The following LPXN variants were observed in gnomAD, a reference collection of about 807,000 sequenced individuals.
The protein encoded by LPXN is leupaxin.
In LPXN, 28 loss-of-function variants were observed where a neutral mutation model predicts 45.6. The ratio of observed to expected loss-of-function variants is 0.61; its 90% CI spans 0.45 to 0.84. LPXN has a LOEUF of 0.84. LPXN is among the 40% of genes least tolerant of loss of function. The pLI, the probability that LPXN is intolerant of heterozygous loss-of-function variation, is 0.00. For missense variants in LPXN, 459 were observed against 475.0 expected, an observed-to-expected ratio of 0.97 and a Z score of 0.31; for synonymous variants, 166 against 169.9, an observed-to-expected ratio of 0.98 and a Z score of 0.18.
At position 58,575,823 on chromosome 11, in the gene LPXN, G is replaced by T; in HGVS notation, c.-51C>A. 1 of 1,614,106 alleles carries T rather than the reference G, an allele frequency of 6.2e-7. No homozygotes were observed. The highest frequency in any genetic ancestry group is 1.1e-5 in the South Asian group (1 of 91,070). The stretch of plus-strand genomic sequence containing the variant: ...CTCACAGGCCGTGAGGAACAGCTTT[G>T]GCATGTGCTGAAGAAGAGGACCGCA... On this transcript the variant is annotated 5_prime_UTR_variant, in exon 1 of 9. Transcript: ENST00000395074.
At chr11:58,527,982 C>T in intron 8 of LPXN, 61 bp downstream of exon 8, 1 of 1,557,590 alleles carries the variant, frequency 6.4e-7, no homozygotes, top group Non-Finnish European at 8.7e-7. Flanking sequence ...TGCAGCTCTT[C>T]CTCTCAGAGA....
At chr11:58,577,929 C>CT (rs1854954074), upstream of LPXN, 2 of 1,457,772 alleles carry the variant, frequency 1.4e-6, no homozygotes, top group East Asian at 5.2e-5. Flanking sequence ...AGTAGTGGGC[C>CT]TTGTGCTAGG....
chr11:58,533,404 T>G (rs1395254635), intron 7 of LPXN, among the ~76,000 whole-genome samples: 1 of 152,188 alleles, frequency 6.6e-6, no homozygotes, highest in Admixed American at 6.5e-5. Flanking sequence ...ACCCAGAATT[T>G]CATATCCAGC....
intron 1 of LPXN, among the ~76,000 whole-genome samples, 170 bp downstream of exon 1, chr11:58,575,590 C>T (rs565935559): frequency 2.0e-5 from 3 of 152,216 alleles, no homozygotes; most frequent in Non-Finnish European, 4.4e-5. Flanking sequence ...TTCCCCAAAA[C>T]AATCATAGTT....
At chr11:58,577,983 G>A, upstream of LPXN, 1 of 1,549,132 alleles carries the variant, frequency 6.5e-7, no homozygotes, top group South Asian at 1.2e-5. Flanking sequence ...TTTAGTCGCT[G>A]ACCTCTAGGA....
intron 1 of LPXN, among the ~76,000 whole-genome samples, chr11:58,573,658 T>C (rs890303933): frequency 1.3e-5 from 2 of 152,178 alleles, no homozygotes; most frequent in African/African-American, 4.8e-5. Flanking sequence ...TATTATGCCT[T>C]TTGCCAGATT....
At chr11:58,537,769 A>T (rs1486722901) in intron 7 of LPXN, among the ~76,000 whole-genome samples, 1 of 151,966 alleles carries the variant, frequency 6.6e-6, no homozygotes. Flanking sequence ...GAAATATTTT[A>T]TTTTATTTTA....
intron 3 of LPXN, among the ~76,000 whole-genome samples, chr11:58,562,166 T>A (rs1337628920): frequency 6.6e-6 from 1 of 152,250 alleles, no homozygotes; most frequent in Non-Finnish European, 1.5e-5. Context: ...TTATTTTTGT[T>A]TATGTAAAAG....
intron 2 of LPXN, among the ~76,000 whole-genome samples, chr11:58,569,339 T>C (rs866991830): frequency 1.6e-4 from 25 of 152,212 alleles, no homozygotes; most frequent in Non-Finnish European, 3.1e-4. Flanking sequence ...ATATAGCTGT[T>C]TTACTTGATA....
intron 7 of LPXN, among the ~76,000 whole-genome samples, chr11:58,546,165 C>T (rs1425388209): frequency 6.6e-6 from 1 of 152,080 alleles, no homozygotes; most frequent in Non-Finnish European, 1.5e-5. Flanking sequence ...TGGTACCTGG[C>T]TTAACATAAA....
Position 58,550,076 on chromosome 11 carries a change from C to G in LPXN, c.557G>C (p.Gly186Ala), listed in dbSNP as rs749874277. 26 of 1,614,120 alleles carry G rather than the reference C, an allele frequency of 1.6e-5. 1 individual carries two copies. The African/African-American group carries it at 2.5e-4, about 16-fold the overall frequency. The change falls in exon 6 of 9, where the codon GGC becomes GCC. Residue 186 changes from glycine (G) to alanine (A), a missense_variant. Coordinates refer to ENST00000395074, the MANE Select transcript of LPXN (RefSeq NM_004811.3). ...FVCTHCKEEI[G>A]SSPFFERSGL... ...ACTCCGCTCAAAGAAGGGACTGGAG[C>G]CAATCTCTTCTTTGCAATGAGTACA...
chr11:58,553,862 G>A (rs1394570323), intron 4 of LPXN: 2 of 152,182 alleles, frequency 1.3e-5, no homozygotes, highest in African/African-American at 4.8e-5. Flanking sequence ...CACCACTTTA[G>A]AGGTGTTCTA....
rs116578032 is a variant in LPXN at position 58,575,425 on chromosome 11, A to C, written c.13+335T>G. Reference sequence around the variant, plus strand: ...CTCTGCATTGTCTCGCTATGTGGCCACCCTTGATCTCCAGTGACCTCCAAA... The same window carrying C: ...CTCTGCATTGTCTCGCTATGTGGCCCCCCTTGATCTCCAGTGACCTCCAAA... On this transcript the variant is annotated intron_variant, in intron 1 of 8. Coordinates refer to ENST00000395074, the MANE Select transcript of LPXN (RefSeq NM_004811.3). Among the ~76,000 whole-genome samples, 1,517 of 152,118 alleles carry C rather than the reference A, an allele frequency of 1.0e-2. 25 individuals are homozygous for C. The highest frequency in any genetic ancestry group is 0.035 in the African/African-American group (1,462 of 41,480).
chr11:58,558,952 TATAA>T (rs1242751307), intron 3 of LPXN, among the ~76,000 whole-genome samples: 11 of 151,838 alleles, frequency 7.2e-5, no homozygotes, highest in Non-Finnish European at 1.6e-4. Flanking sequence ...AAAACTTAAA[TATAA>T]ATAAATATTT....
chr11:58,574,793 A>C (rs1361923470), intron 1 of LPXN, among the ~76,000 whole-genome samples: 2 of 152,126 alleles, frequency 1.3e-5, no homozygotes, highest in African/African-American at 4.8e-5. Context: ...CCTCCTGGTA[A>C]TTTGCCCTTT....
At chr11:58,562,214 T>C (rs1025096029) in intron 3 of LPXN, among the ~76,000 whole-genome samples, 3 of 152,258 alleles carry the variant, frequency 2.0e-5, no homozygotes, top group African/African-American at 7.2e-5. Context: ...GCTATTGATA[T>C]ATAACTATAC....
chr11:58,564,229 G>A, intron 2 of LPXN, 28 bp from the exon 3 acceptor site: 1 of 1,529,006 alleles, frequency 6.5e-7, no homozygotes, highest in South Asian at 1.2e-5. Context: ...CAAGAGAAGA[G>A]CAAAGAATAA....
intron 8 of LPXN, 88 bp from the exon 9 acceptor site, chr11:58,527,811 G>C (rs1853271647): frequency 7.6e-7 from 1 of 1,319,780 alleles, no homozygotes; most frequent in African/African-American, 1.5e-5. Context: ...TGAAATTCCT[G>C]ACAGTTACCT....
chr11:58,575,754 A>G lies in LPXN; in HGVS notation c.13+6T>C, dbSNP rs1158659283. 1.9e-6 allele frequency: 3 copies of G among 1,614,036 alleles called. No individual in the cohort carries two copies. The highest frequency in any genetic ancestry group is 2.5e-6 in the Non-Finnish European group (3 of 1,179,976). On this transcript the variant is annotated splice_donor_region_variant and intron_variant, in intron 1 of 8. Transcript: ENST00000395074. ...CTCAGAGTTTCTCCTCAGGCTCCTC[A>G]CTCACCTAACTCTTCCATTGTCCTA...
Sources: gnomAD v4.1 joint callset for allele counts (sites outside exome capture counted in the v4.1 genomes callset) on GRCh38, gnomAD v4.1.1 for gene constraint, MANE v1.5 for transcripts, NCBI Gene and HGNC (gene_info 2026-07-23, HGNC 2026-07-21) for gene names.